Variants in UFD1 observed in about 807,000 individuals in gnomAD.
UFD1 encodes ubiquitin recognition factor in ER-associated degradation protein 1.
UFD1 carries 13 observed loss-of-function variants against 45.9 expected under a neutral mutation model. That is an observed-to-expected ratio of 0.28 (90% CI 0.18 to 0.45). UFD1 has a LOEUF of 0.45. UFD1 is among the 20% of genes least tolerant of loss of function. The probability of loss-of-function intolerance (pLI) is 1.00; values close to 1 mark genes in which losing one functional copy is unlikely to be tolerated. For missense variants in UFD1, 218 were observed against 389.2 expected, an observed-to-expected ratio of 0.56 and a Z score of 3.70; for synonymous variants, 128 against 139.2, an observed-to-expected ratio of 0.92 and a Z score of 0.56.
At chr22:19,474,553 T>A (rs894382611) in intron 3 of UFD1, among the ~76,000 whole-genome samples, 3 of 151,650 alleles carry the variant, frequency 2.0e-5, no homozygotes, top group African/African-American at 4.8e-5. Flanking sequence ...TCTCAAAAAA[T>A]AAATAAATAA....
At position 19,453,448 on chromosome 22, in the gene UFD1, T is replaced by G; in HGVS notation, c.849+1301A>C. The G allele has an allele frequency of 3.0e-6, 3 of 985,532 alleles. No individual in the cohort carries two copies. In the South Asian group the frequency reaches 1.4e-4, roughly 46 times the overall value. The allele number at this position is 985,532 out of a possible 1,614,324, so 61.0% of individuals were successfully genotyped here. On this transcript the variant is annotated intron_variant, in intron 11 of 11. Coordinates refer to ENST00000263202, the MANE Select transcript of UFD1 (RefSeq NM_005659.7). ...TATTTATGGTCAAACAGGCCTGCTG[T>G]GCCCACTGGCCTCCCCTGCCTTCTG...
At chr22:19,476,369 G>A (rs1207236732) in intron 1 of UFD1, among the ~76,000 whole-genome samples, 1 of 152,118 alleles carries the variant, frequency 6.6e-6, no homozygotes, top group Non-Finnish European at 1.5e-5. Context: ...CTGAGGGTCA[G>A]GTCTAGTGCC....
chr22:19,454,297 C>T (rs1160978754), intron 11 of UFD1: 1 of 1,004,924 alleles, frequency 1.0e-6, no homozygotes, highest in Non-Finnish European at 1.2e-6. Context: ...CAGACACCCT[C>T]ATGTGGTTTG....
intron 11 of UFD1, chr22:19,454,500 T>C: frequency 2.4e-6 from 2 of 835,158 alleles, no homozygotes; most frequent in East Asian, 4.2e-5. Flanking sequence ...CAGCTTTTTC[T>C]CTGCCTGCTA....
intron 3 of UFD1, among the ~76,000 whole-genome samples, chr22:19,472,840 A>C (rs548950341): frequency 6.6e-6 from 1 of 152,368 alleles, no homozygotes; most frequent in African/African-American, 2.4e-5. Context: ...GATTCAAACC[A>C]AGGCTGCTGG....
At position 19,454,596 on chromosome 22, in the gene UFD1, C is replaced by CT. The variant is rs764818143; in HGVS notation, c.849+152dup. On this transcript the variant is annotated intron_variant, in intron 11 of 11. Transcript: ENST00000263202. ...AACTGTAAGTCCATTAAACCTCTTT[C>CT]TTTTGTAAATTGCCCAGTCTCGGGT... The CT allele has an allele frequency of 7.5e-6, 11 of 1,471,772 alleles. No homozygotes were observed. In the South Asian group the frequency reaches 7.8e-5, roughly 10 times the overall value. 91.2% of individuals were successfully genotyped at this position (1,471,772 alleles called of 1,614,324 possible). A position where few individuals can be genotyped will look rare whatever the true frequency, so the allele number is the denominator to read the frequency against.
At chr22:19,471,837 C>A in intron 3 of UFD1, 29 bp from the exon 4 acceptor site, 1 of 1,605,986 alleles carries the variant, frequency 6.2e-7, no homozygotes, top group Non-Finnish European at 8.5e-7. Context: ...CTATGAGGCA[C>A]AGCTCCTATG....
chr22:19,455,550 C>G (rs2089716255), intron 10 of UFD1, 130 bp downstream of exon 10: 1 of 790,422 alleles, frequency 1.3e-6, no homozygotes, highest in Non-Finnish European at 2.1e-6. Context: ...AGGAGAGCAG[C>G]TAAGGGTTTT....
At chr22:19,468,604 G>A (rs2089821240) in intron 4 of UFD1, among the ~76,000 whole-genome samples, 1 of 152,202 alleles carries the variant, frequency 6.6e-6, no homozygotes, top group Non-Finnish European at 1.5e-5. Context: ...TGTGCAGGGA[G>A]TCCAGACTCA....
intron 5 of UFD1, chr22:19,466,009 G>T (rs1214129004): frequency 6.6e-6 from 1 of 152,202 alleles, no homozygotes; most frequent in African/African-American, 2.4e-5. Context: ...ATTTGCTGAA[G>T]GACTTTACAT....
chr22:19,465,375 G>T, intron 5 of UFD1, 101 bp from the exon 6 acceptor site: 1 of 987,364 alleles, frequency 1.0e-6, no homozygotes, highest in Non-Finnish European at 1.6e-6. Context: ...ACTGTACCAT[G>T]ATGGTACTTG....
chr22:19,457,135 T>G (rs771312340), intron 7 of UFD1, among the ~76,000 whole-genome samples: 1 of 152,172 alleles, frequency 6.6e-6, no homozygotes, highest in Non-Finnish European at 1.5e-5. Context: ...AACCCACTGC[T>G]CTTATTCAGA....
chr22:19,456,539 C>T, intron 9 of UFD1, 48 bp downstream of exon 9: 1 of 1,612,990 alleles, frequency 6.2e-7, no homozygotes, highest in Non-Finnish European at 8.5e-7. Context: ...GCTCTAATTT[C>T]AAGGAGCAGA....
intron 6 of UFD1, among the ~76,000 whole-genome samples, chr22:19,460,157 TA>T (rs544161521): frequency 9.2e-5 from 14 of 152,130 alleles, no homozygotes; most frequent in African/African-American, 3.1e-4. Flanking sequence ...AGATAAGGAA[TA>T]AAAAAAGGAT....
intron 4 of UFD1, among the ~76,000 whole-genome samples, chr22:19,470,363 G>C (rs1328679435): frequency 6.6e-6 from 1 of 152,192 alleles, no homozygotes; most frequent in African/African-American, 2.4e-5. Context: ...AGGCTGAAGA[G>C]GATGCCACTA....
chr22:19,470,929 T>C (rs1320102163), intron 4 of UFD1: 4 of 429,392 alleles, frequency 9.3e-6, no homozygotes, highest in Admixed American at 2.7e-5. Context: ...TCTCTCAGTA[T>C]GCCTGATGTA....
At chr22:19,453,380 T>C in intron 11 of UFD1, 6 of 985,456 alleles carry the variant, frequency 6.1e-6, no homozygotes, top group Non-Finnish European at 7.2e-6. Flanking sequence ...TAGAGCTAAA[T>C]ATGTCTTCAA....
At chr22:19,457,384 T>C (rs775780639) in intron 7 of UFD1, among the ~76,000 whole-genome samples, 19 of 152,172 alleles carry the variant, frequency 1.2e-4, no homozygotes, top group Non-Finnish European at 2.2e-4. Flanking sequence ...TTGAGGATGT[T>C]ATATAACGAA....
At chr22:19,451,738 TC>T in intron 11 of UFD1, 1 of 985,456 alleles carries the variant, frequency 1.0e-6, no homozygotes, top group African/African-American at 1.7e-5. Context: ...CATTTAGTCT[TC>T]CTTTGCCGCA....
Sources: gnomAD v4.1 joint callset for allele counts (sites outside exome capture counted in the v4.1 genomes callset) on GRCh38, gnomAD v4.1.1 for gene constraint, MANE v1.5 for transcripts, NCBI Gene and HGNC (gene_info 2026-07-23, HGNC 2026-07-21) for gene names.